Variants in OPRD1 observed in about 807,000 individuals in gnomAD.
OPRD1 encodes the protein delta-type opioid receptor.
Under a neutral mutation model 17.5 loss-of-function variants are expected in OPRD1, and 19 were observed. The ratio of observed to expected loss-of-function variants is 1.09; its 90% CI spans 0.76 to 1.60. OPRD1 has a LOEUF of 1.60. Among genes scored for constraint, OPRD1 ranks in the 40% most tolerant of loss-of-function variants. The probability of loss-of-function intolerance (pLI) is 0.00; values close to 1 mark genes in which losing one functional copy is unlikely to be tolerated. For missense variants in OPRD1, 483 were observed against 547.2 expected, an observed-to-expected ratio of 0.88 and a Z score of 1.17; for synonymous variants, 256 against 240.9, an observed-to-expected ratio of 1.06 and a Z score of -0.58.
intron 1 of OPRD1, among the ~76,000 whole-genome samples, chr1:28,853,083 A>G (rs530818677): frequency 6.6e-6 from 1 of 152,324 alleles, no homozygotes; most frequent in East Asian, 1.9e-4. Context: ...GAGAGGAACA[A>G]TTGAGTGATG....
intron 1 of OPRD1, among the ~76,000 whole-genome samples, chr1:28,821,128 G>A (rs531427033): frequency 3.3e-5 from 5 of 151,758 alleles, no homozygotes; most frequent in African/African-American, 7.3e-5. Flanking sequence ...TTGAGACAGA[G>A]TCTTGCTCTT....
At chr1:28,852,231 A>G (rs998688892) in intron 1 of OPRD1, among the ~76,000 whole-genome samples, 6 of 151,852 alleles carry the variant, frequency 4.0e-5, no homozygotes, top group Admixed American at 2.6e-4. Context: ...GGTCCAGGAC[A>G]TAGCTCATAG....
chr1:28,859,200 C>T lies in OPRD1; in HGVS notation c.474C>T (p.Asp158=). ...TCTGCCACCCTGTCAAGGCCCTGGA[C>T]TTCCGCACGCCTGCCAAGGCCAAGC... ...IAVCHPVKAL[D]FRTPAKAKLI... Residue 158 remains aspartate (D), a synonymous_variant, in exon 2 of 3, where the codon GAC becomes GAT. Coordinates refer to ENST00000234961, the MANE Select transcript of OPRD1 (RefSeq NM_000911.4). 6.2e-7 allele frequency: 1 copy of T among 1,614,284 alleles called. No homozygotes were observed. The highest frequency in any genetic ancestry group is 8.5e-7 in the Non-Finnish European group (1 of 1,180,056).
chr1:28,850,434 C>T (rs957986574), intron 1 of OPRD1, among the ~76,000 whole-genome samples: 20 of 152,074 alleles, frequency 1.3e-4, no homozygotes, highest in African/African-American at 4.3e-4. Context: ...AGCGATTCTC[C>T]TGCCTCAGCC....
At chr1:28,850,971 G>A (rs987695646) in intron 1 of OPRD1, among the ~76,000 whole-genome samples, 1 of 151,952 alleles carries the variant, frequency 6.6e-6, no homozygotes, top group Non-Finnish European at 1.5e-5. Context: ...TCCCAGAGAA[G>A]GCAAAGGGGA....
chr1:28,825,723 G>A (rs2088762076), intron 1 of OPRD1, among the ~76,000 whole-genome samples: 1 of 152,190 alleles, frequency 6.6e-6, no homozygotes, highest in Admixed American at 6.5e-5. Context: ...TGGCCTAGGG[G>A]CTACTGATAA....
At chr1:28,843,521 G>C (rs191530307) in intron 1 of OPRD1, among the ~76,000 whole-genome samples, 1 of 152,250 alleles carries the variant, frequency 6.6e-6, no homozygotes, top group Non-Finnish European at 1.5e-5. Context: ...CATGTAAGTG[G>C]AATCATTCAG....
At position 28,812,280 on chromosome 1, in the gene OPRD1, G is replaced by C; in HGVS notation, c.-104G>C. On this transcript the variant is annotated 5_prime_UTR_variant, in exon 1 of 3. Transcript: ENST00000234961. ...GCGGGGCGGCCGGGGCGCGGCAGCC[G>C]GCGGCGTCGGGGCCGCGGCCTCTGC... The C allele has an allele frequency of 1.4e-6, 1 of 730,678 alleles. No homozygotes were observed. The highest frequency in any genetic ancestry group is 1.8e-6 in the Non-Finnish European group (1 of 551,760). 45.3% of individuals were successfully genotyped at this position (730,678 alleles called of 1,614,324 possible). A position where few individuals can be genotyped will look rare whatever the true frequency, so the allele number is the denominator to read the frequency against.
chr1:28,836,118 A>T (rs1253524677), intron 1 of OPRD1, among the ~76,000 whole-genome samples: 2 of 152,192 alleles, frequency 1.3e-5, no homozygotes, highest in African/African-American at 4.8e-5. Flanking sequence ...ATTTTAACAG[A>T]CATTGCTTCT....
At position 28,862,921 on chromosome 1, in the gene OPRD1, G is replaced by C. The variant is rs777114121; in HGVS notation, c.757G>C (p.Asp253His). The C allele has an allele frequency of 5.0e-6, 8 of 1,612,866 alleles. No individual in the cohort carries two copies. Among genetic ancestry groups the C allele is most frequent in the South Asian group, 3.3e-5 (3 of 91,062 alleles). ...VRLLSGSKEK[D>H]RSLRRITRMV... ...CCTGCTGTCGGGCTCCAAGGAGAAGGACCGCAGCCTGCGGCGCATCACGCG... is the reference window on the plus strand; with the variant it reads ...CCTGCTGTCGGGCTCCAAGGAGAAGCACCGCAGCCTGCGGCGCATCACGCG... The change falls in exon 3 of 3, where the codon GAC becomes CAC. Residue 253 changes from aspartate to histidine, a missense_variant. Transcript: ENST00000234961.
At chr1:28,838,599 T>C (rs2088872433) in intron 1 of OPRD1, among the ~76,000 whole-genome samples, 1 of 152,214 alleles carries the variant, frequency 6.6e-6, no homozygotes. Context: ...GCCCTGGGAC[T>C]CCAGGGGCAG....
Position 28,871,102 on chromosome 1 carries a change from G to T in OPRD1, c.*7819G>T, listed in dbSNP as rs1036668490. The T allele has an allele frequency of 2.6e-5, 4 of 152,202 alleles. No individual in the cohort carries two copies. The highest frequency in any genetic ancestry group is 7.2e-5 in the African/African-American group (3 of 41,440). The allele number at this position is 152,202 out of a possible 1,614,324, so 9.4% of individuals were successfully genotyped here. On this transcript the variant is annotated 3_prime_UTR_variant, in exon 3 of 3. Transcript: ENST00000234961. ...GAGACAGGGAAAAGAATGCCTGGGG[G>T]TCTGTAATAGGAGCTGCCCCAATTA...
chr1:28,846,890 CTTTTCTCTTTCTTTCTT>C (rs1557576069), intron 1 of OPRD1, among the ~76,000 whole-genome samples: 1 of 52,332 alleles, frequency 1.9e-5, no homozygotes, highest in Non-Finnish European at 5.5e-5. Flanking sequence ...TTCTTTCTTT[CTTTTCTCTTTCTTTCTT>C]TTTCTTTCTT....
At chr1:28,846,157 C>G (rs2088940702) in intron 1 of OPRD1, among the ~76,000 whole-genome samples, 1 of 152,212 alleles carries the variant, frequency 6.6e-6, no homozygotes, top group Non-Finnish European at 1.5e-5. Context: ...CAGGCTCTTT[C>G]CTGCTACAGG....
intron 1 of OPRD1, among the ~76,000 whole-genome samples, chr1:28,828,351 G>C (rs1018476125): frequency 6.6e-6 from 1 of 152,044 alleles, no homozygotes; most frequent in Non-Finnish European, 1.5e-5. Flanking sequence ...TCAACAGTGG[G>C]CTTAAAATAC....
chr1:28,820,632 C>A (rs2088705340), intron 1 of OPRD1, among the ~76,000 whole-genome samples: 1 of 151,884 alleles, frequency 6.6e-6, no homozygotes, highest in African/African-American at 2.4e-5. Flanking sequence ...TCGAGACCAG[C>A]CCGAACAATA....
At chr1:28,854,252 G>A (rs1025467781) in intron 1 of OPRD1, among the ~76,000 whole-genome samples, 2 of 151,892 alleles carry the variant, frequency 1.3e-5, no homozygotes, top group Non-Finnish European at 2.9e-5. Context: ...TTAGACATGG[G>A]GTGTTGCTCT....
chr1:28,849,551 C>T (rs986450477), intron 1 of OPRD1, among the ~76,000 whole-genome samples: 3 of 152,178 alleles, frequency 2.0e-5, no homozygotes, highest in Admixed American at 6.5e-5. Flanking sequence ...CACGTGCCCA[C>T]GCACACGTGC....
rs573416923 is a variant in OPRD1 at position 28,844,261 on chromosome 1, T to C, written c.228-14693T>C. ...CTAATGATAGTGATGTTGAGCATCT[T>C]TTCATGGGCTTATTGGCCATTTGTA... On this transcript the variant is annotated intron_variant, in intron 1 of 2. Transcript: ENST00000234961. 7.2e-5 allele frequency among the ~76,000 whole-genome samples: 11 copies of C among 152,232 alleles called. No homozygotes were observed. In the South Asian group the frequency reaches 2.1e-3, roughly 29 times the overall value.
Sources: gnomAD v4.1 joint callset for allele counts (sites outside exome capture counted in the v4.1 genomes callset) on GRCh38, gnomAD v4.1.1 for gene constraint, MANE v1.5 for transcripts, NCBI Gene and HGNC (gene_info 2026-07-23, HGNC 2026-07-21) for gene names.